The following EFCAB14 variants were observed in gnomAD, a reference collection of about 807,000 sequenced individuals.
The protein encoded by EFCAB14 is EF-hand calcium binding domain 14.
In EFCAB14, 43 loss-of-function variants were observed where a neutral mutation model predicts 56.5. The ratio of observed to expected loss-of-function variants is 0.76; its 90% CI spans 0.60 to 0.98. The LOEUF (loss-of-function observed/expected upper bound fraction) is 0.98. Among genes scored for constraint, EFCAB14 ranks in the 50% least tolerant of loss-of-function variants. The probability of loss-of-function intolerance (pLI) is 0.00; values close to 1 mark genes in which losing one functional copy is unlikely to be tolerated. For synonymous variants in EFCAB14, 235 were observed against 212.9 expected, an observed-to-expected ratio of 1.10 and a Z score of -0.90; for missense variants, 538 against 580.3, an observed-to-expected ratio of 0.93 and a Z score of 0.75.
chr1:46,680,629 G>A lies in EFCAB14; in HGVS notation c.1313-1993C>T, dbSNP rs549162230. 1.1e-4 allele frequency among the ~76,000 whole-genome samples: 16 copies of A among 152,318 alleles called. No individual in the cohort carries two copies. The East Asian group carries it at 3.1e-3, about 29-fold the overall frequency. ...GTACAGAGATTCTGTGAGGGGTGATGAAAATGTTCTGGAATTAGATAGTGG... is the reference window on the plus strand; with the variant it reads ...GTACAGAGATTCTGTGAGGGGTGATAAAAATGTTCTGGAATTAGATAGTGG... On this transcript the variant is annotated intron_variant, in intron 10 of 10. Coordinates refer to ENST00000371933, the MANE Select transcript of EFCAB14 (RefSeq NM_014774.3).
At chr1:46,714,658 G>A (rs1007839342) in intron 2 of EFCAB14, among the ~76,000 whole-genome samples, 4 of 151,824 alleles carry the variant, frequency 2.6e-5, no homozygotes, top group East Asian at 1.9e-4. Context: ...AGAGGGTGGC[G>A]CGTGCCTGTA....
intron 3 of EFCAB14, among the ~76,000 whole-genome samples, chr1:46,701,449 C>T (rs193000215): frequency 6.6e-6 from 1 of 152,204 alleles, no homozygotes; most frequent in African/African-American, 2.4e-5. Flanking sequence ...CCTCCACTGA[C>T]AACTGGCCAG....
intron 3 of EFCAB14, among the ~76,000 whole-genome samples, chr1:46,699,429 C>T (rs1007325374): frequency 3.3e-5 from 5 of 152,188 alleles, no homozygotes; most frequent in African/African-American, 1.2e-4. Flanking sequence ...CTCTCTTCCA[C>T]AAGACTATAA....
chr1:46,717,581 G>C (rs542661258), intron 1 of EFCAB14, among the ~76,000 whole-genome samples: 1 of 152,234 alleles, frequency 6.6e-6, no homozygotes, highest in Admixed American at 6.5e-5. Flanking sequence ...GTTTTAAAAA[G>C]TCTAGTCCCC....
intron 2 of EFCAB14, among the ~76,000 whole-genome samples, chr1:46,710,560 ATTT>A (rs1300856726): frequency 6.6e-6 from 1 of 151,860 alleles, no homozygotes; most frequent in Non-Finnish European, 1.5e-5. Context: ...TTTGAAATAT[ATTT>A]TTATTTTGTT....
intron 8 of EFCAB14, among the ~76,000 whole-genome samples, chr1:46,684,810 G>A (rs1676853160): frequency 6.6e-6 from 1 of 152,080 alleles, no homozygotes; most frequent in South Asian, 2.1e-4. Flanking sequence ...AACCATTAAG[G>A]GAACATTATG....
At chr1:46,688,610 G>C in intron 6 of EFCAB14, 66 bp from the exon 7 acceptor site, 1 of 1,362,802 alleles carries the variant, frequency 7.3e-7, no homozygotes, top group Non-Finnish European at 1.0e-6. Context: ...CAGGCCAGCA[G>C]CACCGAACAA....
At position 46,707,912 on chromosome 1, in the gene EFCAB14, A is replaced by C. The variant is rs1197731767; in HGVS notation, c.474T>G (p.Asn158Lys). The C allele has an allele frequency of 6.2e-7, 1 of 1,608,878 alleles. No homozygotes were observed. The highest frequency in any genetic ancestry group is 8.5e-7 in the Non-Finnish European group (1 of 1,179,306). ...AAAATCAAACTTTTAGTACCTGCTTATTCATTTCTGTGATGTTTATCCAGA... is the reference window on the plus strand; with the variant it reads ...AAAATCAAACTTTTAGTACCTGCTTCTTCATTTCTGTGATGTTTATCCAGA... ...NKVWINITEM[N>K]KQISLLTSAV... Residue 158 changes from asparagine (N) to lysine (K), a missense_variant, in exon 3 of 11, where the codon AAT becomes AAG. Transcript: ENST00000371933.
At chr1:46,715,338 G>A (rs1677371399) in intron 2 of EFCAB14, among the ~76,000 whole-genome samples, 1 of 152,152 alleles carries the variant, frequency 6.6e-6, no homozygotes, top group African/African-American at 2.4e-5. Flanking sequence ...GCAAGAGGAC[G>A]CTCAGCTCTG....
intron 3 of EFCAB14, among the ~76,000 whole-genome samples, chr1:46,704,393 C>T (rs995411482): frequency 2.2e-4 from 32 of 148,546 alleles, no homozygotes; most frequent in African/African-American, 7.7e-4. Flanking sequence ...GAGGATCACT[C>T]GAGCCTGGGA....
At chr1:46,689,769 C>G in intron 5 of EFCAB14, 78 bp from the exon 6 acceptor site, 1 of 1,249,562 alleles carries the variant, frequency 8.0e-7, no homozygotes, top group Non-Finnish European at 1.2e-6. Flanking sequence ...TGTCCTAGAA[C>G]ATTCTAGCCT....
chr1:46,689,897 C>G (rs1234101528), intron 5 of EFCAB14, among the ~76,000 whole-genome samples: 1 of 152,154 alleles, frequency 6.6e-6, no homozygotes, highest in African/African-American at 2.4e-5. Flanking sequence ...CCAGCAGCAC[C>G]AAGATTACAT....
At chr1:46,686,930 T>C in intron 7 of EFCAB14, 60 bp from the exon 8 acceptor site, 1 of 1,493,746 alleles carries the variant, frequency 6.7e-7, no homozygotes, top group African/African-American at 1.4e-5. Context: ...ACATTAAAAC[T>C]TGAACACCTA....
chr1:46,684,850 T>C (rs1044383078), intron 8 of EFCAB14, among the ~76,000 whole-genome samples: 14 of 152,174 alleles, frequency 9.2e-5, no homozygotes, highest in Non-Finnish European at 1.8e-4. Context: ...CTGTGAACAT[T>C]TGGTTGATGG....
At chr1:46,704,307 GA>G (rs1453112617) in intron 3 of EFCAB14, among the ~76,000 whole-genome samples, 1 of 151,590 alleles carries the variant, frequency 6.6e-6, no homozygotes, top group Non-Finnish European at 1.5e-5. Context: ...AAAAGAGAGA[GA>G]AAGAGAAAGA....
intron 4 of EFCAB14, among the ~76,000 whole-genome samples, chr1:46,693,037 A>G (rs996574265): frequency 6.6e-6 from 1 of 152,192 alleles, no homozygotes; most frequent in Admixed American, 6.5e-5. Flanking sequence ...CAAAAGTGGG[A>G]GGGAACCATA....
intron 3 of EFCAB14, among the ~76,000 whole-genome samples, chr1:46,706,091 T>C (rs1245297859): frequency 6.6e-6 from 1 of 152,180 alleles, no homozygotes; most frequent in Non-Finnish European, 1.5e-5. Flanking sequence ...GATCTGGAAC[T>C]CCTTGGATCA....
Position 46,678,423 on chromosome 1 carries a change from A to G in EFCAB14, c.*38T>C, listed in dbSNP as rs775553417. 3.7e-6 allele frequency: 6 copies of G among 1,610,598 alleles called. No homozygotes were observed. The highest frequency in any genetic ancestry group is 1.3e-5 in the African/African-American group (1 of 74,848). On this transcript the variant is annotated 3_prime_UTR_variant, in exon 11 of 11. Transcript: ENST00000371933. Reference sequence around the variant, plus strand: ...GGTTGTTTTGTTGTTAGGTAAATAGATATTAGGCAGTCCATTTCTAAAATA... The same window carrying G: ...GGTTGTTTTGTTGTTAGGTAAATAGGTATTAGGCAGTCCATTTCTAAAATA...
In EFCAB14 at chr1:46,676,629, A is replaced by G. The variant is rs964986627; in HGVS notation, c.*1832T>C. 6 of 152,570 alleles carry G rather than the reference A, an allele frequency of 3.9e-5. No individual in the cohort carries two copies. Among genetic ancestry groups the G allele is most frequent in the African/African-American group, 1.4e-4 (6 of 41,428 alleles). 9.5% of individuals were successfully genotyped at this position (152,570 alleles called of 1,614,324 possible). A position where few individuals can be genotyped will look rare whatever the true frequency, so the allele number is the denominator to read the frequency against. ...AAATCTGTAAGGGTGTATATATATT[A>G]AAAAAAGGTGTGGGGTGAGAGTGGA... On this transcript the variant is annotated 3_prime_UTR_variant, in exon 11 of 11. Transcript: ENST00000371933.
Sources: gnomAD v4.1 joint callset for allele counts (sites outside exome capture counted in the v4.1 genomes callset) on GRCh38, gnomAD v4.1.1 for gene constraint, MANE v1.5 for transcripts, NCBI Gene and HGNC (gene_info 2026-07-23, HGNC 2026-07-21) for gene names.